PPM1H: variants seen among roughly 807,000 people sequenced by gnomAD.
PPM1H encodes protein phosphatase 1H.
A neutral mutation model predicts 54.9 loss-of-function variants in PPM1H; 27 were observed. That is an observed-to-expected ratio of 0.49 (90% confidence interval 0.36 to 0.68). The LOEUF (loss-of-function observed/expected upper bound fraction) is 0.68. Among genes scored for constraint, PPM1H ranks in the 30% least tolerant of loss-of-function variants. The pLI is 0.00. For synonymous variants in PPM1H, 305 were observed against 270.8 expected (o/e 1.13, Z -1.24); for missense variants, 596 against 667.8 (o/e 0.89, Z 1.19).
intron 4 of PPM1H, chr12:62,755,987 A>C: frequency 1.5e-6 from 2 of 1,311,522 alleles, no homozygotes; most frequent in Non-Finnish European, 2.2e-6. Context: ...AAAACTGCCA[A>C]ATATGATGAC....
chr12:62,837,498 C>G (rs1266488859), intron 1 of PPM1H, among the ~76,000 whole-genome samples: 1 of 152,238 alleles, frequency 6.6e-6, no homozygotes, highest in Non-Finnish European at 1.5e-5. Flanking sequence ...CCAACTCTCT[C>G]TCCCTCCCCA....
At chr12:62,809,096 G>C (rs2076821542) in intron 2 of PPM1H, among the ~76,000 whole-genome samples, 1 of 152,188 alleles carries the variant, frequency 6.6e-6, no homozygotes, top group Non-Finnish European at 1.5e-5. Flanking sequence ...CTGTCACCTA[G>C]TCTGTAGTGC....
intron 9 of PPM1H, among the ~76,000 whole-genome samples, chr12:62,654,807 G>C (rs1297828336): frequency 6.6e-6 from 1 of 152,134 alleles, no homozygotes; most frequent in African/African-American, 2.4e-5. Context: ...TAAAACCTCA[G>C]TCTTGTCAGG....
At chr12:62,788,022 C>T (rs1220341142) in intron 4 of PPM1H, among the ~76,000 whole-genome samples, 1 of 152,190 alleles carries the variant, frequency 6.6e-6, no homozygotes, top group Non-Finnish European at 1.5e-5. Context: ...TTAGATTTAT[C>T]ACAGACGTGT....
chr12:62,644,636 C>T lies in PPM1H; in HGVS notation c.*3853G>A, dbSNP rs564269061. 6.6e-6 allele frequency: 1 copy of T among 152,360 alleles called. No individual in the cohort carries two copies. The highest frequency in any genetic ancestry group is 2.1e-4 in the South Asian group (1 of 4,828). 9.4% of individuals were successfully genotyped at this position (152,360 alleles called of 1,614,324 possible). A position where few individuals can be genotyped will look rare whatever the true frequency, so the allele number is the denominator to read the frequency against. ...CTCACAGAAGAGGCAAGTCAGTCTG[C>T]TCGCGTAGCGTCCTTTGAAAAATCC... On this transcript the variant is annotated 3_prime_UTR_variant, in exon 10 of 10. Transcript: ENST00000228705.
intron 4 of PPM1H, among the ~76,000 whole-genome samples, chr12:62,740,631 C>T (rs372462122): frequency 3.9e-4 from 60 of 152,340 alleles, no homozygotes; most frequent in African/African-American, 1.2e-3. Flanking sequence ...CTGCTTTCCA[C>T]GCTAGCCTGT....
chr12:62,718,135 T>C (rs140099693), intron 6 of PPM1H, among the ~76,000 whole-genome samples: 278 of 152,336 alleles, frequency 1.8e-3, no homozygotes, highest in Non-Finnish European at 3.2e-3. Flanking sequence ...AATTGCTGCC[T>C]GTTTACTATG....
intron 5 of PPM1H, among the ~76,000 whole-genome samples, chr12:62,734,297 T>C (rs2076339276): frequency 6.6e-6 from 1 of 152,202 alleles, no homozygotes; most frequent in Non-Finnish European, 1.5e-5. Flanking sequence ...ACCCAGTTTA[T>C]GGTTTTTTGC....
intron 1 of PPM1H, among the ~76,000 whole-genome samples, chr12:62,855,390 A>G (rs949009379): frequency 3.9e-5 from 6 of 152,204 alleles, no homozygotes; most frequent in African/African-American, 1.4e-4. Flanking sequence ...GGGGCAAACT[A>G]TACTTCAGAC....
At chr12:62,903,738 G>A (rs1871228091) in intron 1 of PPM1H, among the ~76,000 whole-genome samples, 1 of 151,766 alleles carries the variant, frequency 6.6e-6, no homozygotes, top group Non-Finnish European at 1.5e-5. Flanking sequence ...GGGTGGGGGA[G>A]TGGGGTGGGG....
At chr12:62,737,781 T>C (rs2076358684) in intron 4 of PPM1H, among the ~76,000 whole-genome samples, 195 bp from the exon 5 acceptor site, 1 of 152,228 alleles carries the variant, frequency 6.6e-6, no homozygotes, top group Non-Finnish European at 1.5e-5. Context: ...GTGCATTGCA[T>C]TCTAGTTAGC....
intron 8 of PPM1H, among the ~76,000 whole-genome samples, 188 bp downstream of exon 8, chr12:62,689,511 T>A (rs1004741679): frequency 3.3e-5 from 5 of 151,714 alleles, no homozygotes; most frequent in Non-Finnish European, 7.4e-5. Flanking sequence ...GGGTAAGAGG[T>A]GATGAAGGTG....
intron 2 of PPM1H, among the ~76,000 whole-genome samples, chr12:62,830,514 C>T (rs890037547): frequency 5.9e-5 from 9 of 152,298 alleles, no homozygotes; most frequent in Admixed American, 2.0e-4. Context: ...CTTGGCCTCC[C>T]AAAGTGCTGG....
intron 1 of PPM1H, among the ~76,000 whole-genome samples, chr12:62,857,579 TTA>T (rs1036157819): frequency 6.6e-6 from 1 of 152,198 alleles, no homozygotes; most frequent in Admixed American, 6.5e-5. Flanking sequence ...AAGTTCTCTT[TTA>T]GTCTTCATGA....
intron 1 of PPM1H, among the ~76,000 whole-genome samples, chr12:62,899,285 CA>C (rs1287441211): frequency 6.6e-6 from 1 of 151,900 alleles, no homozygotes; most frequent in Non-Finnish European, 1.5e-5. Flanking sequence ...AAAAGCCCAA[CA>C]AAAGCTGGGC....
intron 1 of PPM1H, among the ~76,000 whole-genome samples, chr12:62,889,834 C>T (rs755313111): frequency 2.6e-5 from 4 of 152,094 alleles, no homozygotes; most frequent in African/African-American, 7.2e-5. Flanking sequence ...TAGAAAATAA[C>T]GTAGTAGAAA....
intron 8 of PPM1H, among the ~76,000 whole-genome samples, chr12:62,683,398 C>A (rs2076034183): frequency 6.6e-6 from 1 of 152,080 alleles, no homozygotes; most frequent in Non-Finnish European, 1.5e-5. Context: ...GGGATTTTTA[C>A]CCCACCTTAA....
rs140271869 is a variant in PPM1H, at chr12:62,691,094, A to G, written c.1138-1288T>C. 3.9e-5 allele frequency among the ~76,000 whole-genome samples: 6 copies of G among 152,338 alleles called. No individual in the cohort carries two copies. In the East Asian group the frequency reaches 1.2e-3, roughly 29 times the overall value. On this transcript the variant is annotated intron_variant, in intron 7 of 9. Coordinates refer to ENST00000228705, the MANE Select transcript of PPM1H (RefSeq NM_020700.2). ...CTGAAAAACACATAGACAATGGGTT[A>G]TGCAAGTTTAGAGGAGGTAAAAATT...
intron 5 of PPM1H, among the ~76,000 whole-genome samples, chr12:62,734,064 T>C (rs998056513): frequency 6.6e-6 from 1 of 151,666 alleles, no homozygotes; most frequent in African/African-American, 2.4e-5. Flanking sequence ...GGTAGAGCCC[T>C]CATAAATGGG....
Sources: allele counts gnomAD v4.1 joint callset (sites outside exome capture counted in the v4.1 genomes callset), GRCh38; gene constraint gnomAD v4.1.1; transcripts MANE v1.5; gene names NCBI Gene and HGNC (gene_info 2026-07-23, HGNC 2026-07-21).